FNBP1: variants seen among roughly 807,000 people sequenced by gnomAD.
The protein encoded by FNBP1 is formin-binding protein 1.
A neutral mutation model predicts 90.6 loss-of-function variants in FNBP1; 26 were observed. The observed-to-expected ratio is 0.29, with a 90% CI of 0.21 to 0.40. The LOEUF (loss-of-function observed/expected upper bound fraction) is 0.40. Ranked by LOEUF, FNBP1 falls within the 10% of genes least tolerant of loss-of-function variation. The pLI, the probability that FNBP1 is intolerant of heterozygous loss-of-function variation, is 1.00. For missense variants in FNBP1, 635 were observed against 768.0 expected, an observed-to-expected ratio of 0.83 and a Z score of 2.05; for synonymous variants, 260 against 265.2, an observed-to-expected ratio of 0.98 and a Z score of 0.19.
At chr9:129,988,185 A>C (rs2131142312) in intron 2 of FNBP1, among the ~76,000 whole-genome samples, 1 of 152,170 alleles carries the variant, frequency 6.6e-6, no homozygotes, top group African/African-American at 2.4e-5. Flanking sequence ...ATGGAGTGTC[A>C]TGGGCCATAG....
chr9:129,961,261 G>A (rs1028953508), intron 4 of FNBP1, among the ~76,000 whole-genome samples: 1 of 151,886 alleles, frequency 6.6e-6, no homozygotes, highest in Non-Finnish European at 1.5e-5. Flanking sequence ...GCGGTGAGCC[G>A]AGATAGTACC....
Position 129,916,408 on chromosome 9 carries a change from G to A in FNBP1, c.1171-428C>T, listed in dbSNP as rs1290588682. Among the ~76,000 whole-genome samples, 6 of 152,084 alleles carry A rather than the reference G, an allele frequency of 3.9e-5. No individual in the cohort carries two copies. In the South Asian group the frequency reaches 8.3e-4, roughly 21 times the overall value. On this transcript the variant is annotated intron_variant, in intron 10 of 16. Transcript: ENST00000446176. ...CAAGGCAGGTGGATCACCTGAGGTC[G>A]GGAGCTCGAGACCAGCCTGACCAAC...
intron 1 of FNBP1, among the ~76,000 whole-genome samples, chr9:130,021,861 T>C (rs2057862137): frequency 6.6e-6 from 1 of 152,214 alleles, no homozygotes; most frequent in African/African-American, 2.4e-5. Flanking sequence ...TGCCCAGTAC[T>C]AACCTGTTGT....
chr9:129,957,472 C>A lies in FNBP1; in HGVS notation c.409-8G>T. 2 of 1,594,126 alleles carry A rather than the reference C, an allele frequency of 1.3e-6. No individual in the cohort carries two copies. Among genetic ancestry groups the A allele is most frequent in the Non-Finnish European group, 1.7e-6 (2 of 1,162,394 alleles). On this transcript the variant is annotated splice_polypyrimidine_tract_variant and splice_region_variant and intron_variant, in intron 5 of 16. Coordinates refer to ENST00000446176, the MANE Select transcript of FNBP1 (RefSeq NM_015033.3). The surrounding 1 kb of genome is among the most constrained non-coding windows in gnomAD (Gnocchi z 4.3). The stretch of plus-strand genomic sequence containing the variant: ...TTCAAATCGCCTTTTACTCTAAAAT[C>A]AGAGGAAAATAATTATGAAACCATA...
chr9:129,904,190 C>T (rs1196510075), intron 12 of FNBP1, among the ~76,000 whole-genome samples: 1 of 152,238 alleles, frequency 6.6e-6, no homozygotes, highest in Admixed American at 6.5e-5. Flanking sequence ...AATGTTAACA[C>T]ACACCCATTT....
At position 130,042,940 on chromosome 9, in the gene FNBP1, C is replaced by T. The variant is rs928064304; in HGVS notation, c.24+12G>A. ...GCCCCGCATCTGCCCGCGGGCCCAG[C>T]CCCTCACTCACCCAGAGCTCGGTGC... On this transcript the variant is annotated intron_variant, in intron 1 of 16. Transcript: ENST00000446176. This position sits in a 1 kb window ranked among gnomAD's most constrained non-coding sequence, Gnocchi z 5.5. 1.9e-5 allele frequency: 23 copies of T among 1,229,916 alleles called. No individual in the cohort carries two copies. The highest frequency in any genetic ancestry group is 2.2e-5 in the Non-Finnish European group (22 of 986,324). 76.2% of individuals were successfully genotyped at this position (1,229,916 alleles called of 1,614,324 possible). A position where few individuals can be genotyped will look rare whatever the true frequency, so the allele number is the denominator to read the frequency against.
rs1010592587 is a variant in FNBP1 at position 129,900,284 on chromosome 9, T to C, written c.1550+142A>G. On this transcript the variant is annotated intron_variant, in intron 14 of 16. Coordinates refer to ENST00000446176, the MANE Select transcript of FNBP1 (RefSeq NM_015033.3). The surrounding 1 kb of genome is among the most constrained non-coding windows in gnomAD (Gnocchi z 4.1). Reference sequence around the variant, plus strand: ...CATGTGGAATTATAAATCTGCATCATGGAAAAAGTGACAGGTCAATCGCAA... The same window carrying C: ...CATGTGGAATTATAAATCTGCATCACGGAAAAAGTGACAGGTCAATCGCAA... The C allele has an allele frequency of 2.7e-6, 3 of 1,124,380 alleles. No homozygotes were observed. The highest frequency in any genetic ancestry group is 1.2e-6 in the Non-Finnish European group (1 of 823,002). The allele number at this position is 1,124,380 out of a possible 1,614,324, so 69.7% of individuals were successfully genotyped here. A position where few individuals can be genotyped will look rare whatever the true frequency, so the allele number is the denominator to read the frequency against.
At chr9:129,959,055 C>G (rs1162789284) in intron 4 of FNBP1, among the ~76,000 whole-genome samples, 1 of 130,208 alleles carries the variant, frequency 7.7e-6, no homozygotes, top group Non-Finnish European at 1.6e-5. Context: ...CAAGAATAGT[C>G]ATCACAGATG....
At chr9:129,937,370 T>C (rs1244803383) in intron 6 of FNBP1, among the ~76,000 whole-genome samples, 1 of 152,212 alleles carries the variant, frequency 6.6e-6, no homozygotes, top group Admixed American at 6.5e-5. Context: ...ATGAGCTATG[T>C]ATATCCTGTT....
intron 1 of FNBP1, chr9:130,013,587 A>G: frequency 2.5e-6 from 1 of 400,494 alleles, no homozygotes; most frequent in South Asian, 1.9e-5. Context: ...TATATATCTT[A>G]AGGTTTAGGA....
At chr9:130,051,366 G>A in the FNBP1 span, among the ~76,000 whole-genome samples, 4 of 152,100 alleles carry the variant, frequency 2.6e-5, no homozygotes, top group Non-Finnish European at 5.9e-5. Context: ...AAAACAAATG[G>A]CAATTATACT....
intron 1 of FNBP1, among the ~76,000 whole-genome samples, chr9:130,028,813 T>A (rs942373586): frequency 8.5e-5 from 13 of 152,248 alleles, no homozygotes; most frequent in Non-Finnish European, 1.9e-4. Context: ...TTTTACCAAC[T>A]TAATTCTAGC....
intron 6 of FNBP1, among the ~76,000 whole-genome samples, chr9:129,947,528 C>T (rs1484076341): frequency 6.6e-6 from 1 of 151,904 alleles, no homozygotes; most frequent in Non-Finnish European, 1.5e-5. Flanking sequence ...GGCATCTATA[C>T]CCGCATACCT....
chr9:129,980,676 A>G (rs1444249811), intron 2 of FNBP1, among the ~76,000 whole-genome samples: 1 of 151,610 alleles, frequency 6.6e-6, no homozygotes, highest in African/African-American at 2.4e-5. Flanking sequence ...ACAGAAAAAA[A>G]AAAAAAAAAA....
chr9:130,005,428 G>A (rs986607373), intron 1 of FNBP1, among the ~76,000 whole-genome samples: 2 of 147,004 alleles, frequency 1.4e-5, no homozygotes, highest in Admixed American at 6.9e-5. Flanking sequence ...TGCGACCTCC[G>A]CCTCTCGGGT....
intron 1 of FNBP1, among the ~76,000 whole-genome samples, chr9:130,023,957 T>C (rs2058096338): frequency 6.6e-6 from 1 of 152,204 alleles, no homozygotes; most frequent in African/African-American, 2.4e-5. Flanking sequence ...TTACTCTCCC[T>C]GTGAGCTGCC....
At chr9:129,991,472 T>C (rs946816621) in intron 2 of FNBP1, among the ~76,000 whole-genome samples, 1 of 151,626 alleles carries the variant, frequency 6.6e-6, no homozygotes, top group East Asian at 1.9e-4. Flanking sequence ...AGGGTCTCGC[T>C]ATGTTGCTCA....
At chr9:129,937,503 C>G (rs962358438) in intron 6 of FNBP1, among the ~76,000 whole-genome samples, 2 of 151,904 alleles carry the variant, frequency 1.3e-5, no homozygotes, top group Non-Finnish European at 2.9e-5. Flanking sequence ...GAGGCTGAGG[C>G]GGGCGGATCA....
intron 12 of FNBP1, among the ~76,000 whole-genome samples, chr9:129,905,314 T>TATATATA (rs1564282833): frequency 2.0e-5 from 1 of 48,816 alleles, no homozygotes; most frequent in African/African-American, 6.7e-5. Context: ...ATATATATAT[T>TATATATA]TTGTTAATTA....
Sources: gnomAD v4.1 joint callset for allele counts (sites outside exome capture counted in the v4.1 genomes callset) on GRCh38, gnomAD v4.1.1 for gene constraint, Gnocchi (gnomAD v3.1) non-coding constraint, MANE v1.5 for transcripts, NCBI Gene and HGNC (gene_info 2026-07-23, HGNC 2026-07-21) for gene names.